NFKB1: variants seen among roughly 807,000 people sequenced by gnomAD.
NFKB1 encodes nuclear factor kappa B subunit 1.
Under a neutral mutation model 105.1 loss-of-function variants are expected in NFKB1, and 9 were observed. That is an observed-to-expected ratio of 0.09 (90% CI 0.05 to 0.15). NFKB1 has a LOEUF of 0.15. Ranked by LOEUF, NFKB1 falls within the 10% of genes least tolerant of loss-of-function variation. The pLI is 1.00. For missense variants in NFKB1, 830 were observed against 1,203.7 expected, an observed-to-expected ratio of 0.69 and a Z score of 4.59; for synonymous variants, 440 against 442.2, an observed-to-expected ratio of 1.00 and a Z score of 0.06.
intron 14 of NFKB1, 63 bp from the exon 15 acceptor site, chr4:102,597,457 C>T (rs1726719859): frequency 6.6e-7 from 1 of 1,510,478 alleles, no homozygotes; most frequent in African/African-American, 1.4e-5. Context: ...TGTCCTTAAG[C>T]ATGCCATACC....
intron 15 of NFKB1, among the ~76,000 whole-genome samples, chr4:102,598,675 C>T (rs1726858215): frequency 6.6e-6 from 1 of 152,192 alleles, no homozygotes; most frequent in South Asian, 2.1e-4. Context: ...ATCCAGTTAG[C>T]ATTCAGTAGC....
At chr4:102,605,364 TATC>T (rs1416691994) in intron 16 of NFKB1, among the ~76,000 whole-genome samples, 16 of 152,232 alleles carry the variant, frequency 1.1e-4, no homozygotes, top group Non-Finnish European at 1.9e-4. Flanking sequence ...TCCTGCCAGT[TATC>T]ATGTGCTGTG....
At chr4:102,508,628 A>G (rs1408816299) in intron 1 of NFKB1, among the ~76,000 whole-genome samples, 2 of 152,196 alleles carry the variant, frequency 1.3e-5, no homozygotes, top group East Asian at 1.9e-4. Context: ...AAATATAGCC[A>G]TTTCTCTACC....
Position 102,596,236 on chromosome 4 carries a change from G to A in NFKB1, c.1399G>A (p.Glu467Lys), listed in dbSNP as rs765742100. The change falls in exon 14 of 24, where the codon GAG (glutamate) becomes AAG (lysine). Residue 467 changes from glutamate to lysine, a missense_variant. Around this residue, in one of 8 missense-constraint regions of NFKB1, gnomAD observed 163 missense variants for 164.3 expected, o/e 0.99. Transcript: ENST00000226574. ...CTTTGGGAAAGTTATTGAAACCACAGAGCAAGATCAGGAGCCCAGCGAGGC... is the reference window on the plus strand; with the variant it reads ...CTTTGGGAAAGTTATTGAAACCACAAAGCAAGATCAGGAGCCCAGCGAGGC... ...NLFGKVIETT[E>K]QDQEPSEATV... 33 of 1,613,546 alleles carry A rather than the reference G, an allele frequency of 2.0e-5. No homozygotes were observed. The African/African-American group carries it at 4.0e-4, about 20-fold the overall frequency.
At chr4:102,504,479 C>G (rs911518990) in intron 1 of NFKB1, among the ~76,000 whole-genome samples, 1 of 152,080 alleles carries the variant, frequency 6.6e-6, no homozygotes, top group Non-Finnish European at 1.5e-5. Flanking sequence ...GAATTGTCTA[C>G]AGTAGTGGGA....
At chr4:102,615,433 A>G (rs956196404) in intron 23 of NFKB1, among the ~76,000 whole-genome samples, 5 of 152,144 alleles carry the variant, frequency 3.3e-5, no homozygotes, top group African/African-American at 4.8e-5. Flanking sequence ...CAGTTTCAGC[A>G]CCCATCTCAC....
intron 5 of NFKB1, among the ~76,000 whole-genome samples, chr4:102,548,985 A>G (rs989605265): frequency 3.3e-5 from 5 of 152,140 alleles, no homozygotes; most frequent in African/African-American, 1.2e-4. Context: ...TACACCATTC[A>G]GCCCACTACA....
chr4:102,560,103 T>G (rs773884584), intron 5 of NFKB1, among the ~76,000 whole-genome samples: 4 of 152,182 alleles, frequency 2.6e-5, no homozygotes, highest in Non-Finnish European at 5.9e-5. Flanking sequence ...ACAAACTCTC[T>G]GCTCCTCCCA....
chr4:102,607,059 A>G, intron 17 of NFKB1, 91 bp from the exon 18 acceptor site: 1 of 1,249,014 alleles, frequency 8.0e-7, no homozygotes, highest in African/African-American at 1.5e-5. Flanking sequence ...CCTCCCCATG[A>G]TTCAGTTTTT....
intron 6 of NFKB1, among the ~76,000 whole-genome samples, chr4:102,568,151 A>C (rs1199471284): frequency 6.6e-6 from 1 of 152,094 alleles, no homozygotes; most frequent in East Asian, 1.9e-4. Context: ...TCAAGTTTCA[A>C]ATTGGTTATT....
chr4:102,569,155 A>G (rs1456198572), intron 6 of NFKB1, among the ~76,000 whole-genome samples: 2 of 152,080 alleles, frequency 1.3e-5, no homozygotes, highest in Admixed American at 1.3e-4. Flanking sequence ...CTCTATATAT[A>G]CATTTTTAAG....
At chr4:102,548,955 G>A (rs923561993) in intron 5 of NFKB1, among the ~76,000 whole-genome samples, 1 of 152,026 alleles carries the variant, frequency 6.6e-6, no homozygotes, top group African/African-American at 2.4e-5. Flanking sequence ...GAGGCTCTGG[G>A]TAGATGTGAA....
chr4:102,613,882 A>G (rs530409569), intron 23 of NFKB1, among the ~76,000 whole-genome samples: 1 of 152,208 alleles, frequency 6.6e-6, no homozygotes, highest in South Asian at 2.1e-4. Flanking sequence ...GAGAAATAAT[A>G]TTTACCTTAA....
chr4:102,576,437 A>G (rs143442408), intron 6 of NFKB1, among the ~76,000 whole-genome samples: 8 of 152,370 alleles, frequency 5.3e-5, no homozygotes, highest in African/African-American at 1.9e-4. Flanking sequence ...TAAGACATAT[A>G]GACACATATG....
At chr4:102,502,106 A>G (rs942098179) in intron 1 of NFKB1, 2 of 152,198 alleles carry the variant, frequency 1.3e-5, no homozygotes, top group Admixed American at 6.5e-5. Flanking sequence ...AAAATCCCCA[A>G]CCCCAGCCCC....
At chr4:102,602,403 G>A (rs1368693486) in intron 16 of NFKB1, among the ~76,000 whole-genome samples, 1 of 151,762 alleles carries the variant, frequency 6.6e-6, no homozygotes, top group East Asian at 1.9e-4. Flanking sequence ...AGCCAGGCAT[G>A]GTGGCAGGCG....
chr4:102,557,381 C>T (rs570152390), intron 5 of NFKB1, among the ~76,000 whole-genome samples: 7 of 152,196 alleles, frequency 4.6e-5, no homozygotes, highest in Non-Finnish European at 1.0e-4. Context: ...TCCCAGAGTC[C>T]CCCAGATGGT....
intron 16 of NFKB1, among the ~76,000 whole-genome samples, chr4:102,603,096 A>G (rs1275317553): frequency 6.6e-6 from 1 of 152,098 alleles, no homozygotes; most frequent in African/African-American, 2.4e-5. Context: ...TTTTGGAGAC[A>G]GAGTCTCACT....
At chr4:102,512,396 T>C (rs548088561) in intron 1 of NFKB1, among the ~76,000 whole-genome samples, 3 of 152,306 alleles carry the variant, frequency 2.0e-5, no homozygotes, top group South Asian at 4.1e-4. Context: ...TCACACAGGC[T>C]GGAATGCAGT....
Sources: allele counts gnomAD v4.1 joint callset (sites outside exome capture counted in the v4.1 genomes callset), GRCh38; gene constraint gnomAD v4.1.1; regional missense constraint gnomAD v4.1.1; transcripts MANE v1.5; gene names NCBI Gene and HGNC (gene_info 2026-07-23, HGNC 2026-07-21).